Variants in KCNAB1 observed in about 807,000 individuals in gnomAD.
The protein encoded by KCNAB1 is voltage-gated potassium channel subunit beta-1.
KCNAB1 carries 35 observed loss-of-function variants against 64.6 expected under a neutral mutation model. The ratio of observed to expected loss-of-function variants is 0.54; its 90% CI spans 0.41 to 0.72. KCNAB1 has a LOEUF of 0.72. Among genes scored for constraint, KCNAB1 ranks in the 30% least tolerant of loss-of-function variants. KCNAB1 has a pLI of 0.00. For missense variants in KCNAB1, 401 were observed against 512.9 expected, an observed-to-expected ratio of 0.78 and a Z score of 2.11; for synonymous variants, 177 against 183.8, an observed-to-expected ratio of 0.96 and a Z score of 0.30.
chr3:156,344,298 A>T (rs1179955247), intron 1 of KCNAB1, among the ~76,000 whole-genome samples: 1 of 152,198 alleles, frequency 6.6e-6, no homozygotes, highest in East Asian at 1.9e-4. Flanking sequence ...TTGCCTTGCG[A>T]CAAAGAACTG....
At chr3:156,511,300 T>G (rs1396899399) in intron 8 of KCNAB1, among the ~76,000 whole-genome samples, 1 of 152,120 alleles carries the variant, frequency 6.6e-6, no homozygotes, top group Non-Finnish European at 1.5e-5. Flanking sequence ...AGACGGGGTT[T>G]CACCGTGTTA....
intron 1 of KCNAB1, among the ~76,000 whole-genome samples, chr3:156,317,055 C>A (rs1041547657): frequency 6.6e-6 from 1 of 152,088 alleles, no homozygotes; most frequent in African/African-American, 2.4e-5. Context: ...TAGAATGATT[C>A]TTCTTATTAT....
At chr3:156,439,224 A>ATTTTTT (rs56259743) in intron 2 of KCNAB1, among the ~76,000 whole-genome samples, 26 of 115,082 alleles carry the variant, frequency 2.3e-4, no homozygotes, top group Non-Finnish European at 3.3e-4. Context: ...CATCATTGTG[A>ATTTTTT]TTTTTTTTTT....
intron 1 of KCNAB1, among the ~76,000 whole-genome samples, chr3:156,288,389 A>G (rs766427769): frequency 1.3e-4 from 20 of 152,200 alleles, no homozygotes; most frequent in Admixed American, 2.6e-4. Flanking sequence ...ATCTATATCT[A>G]TGTTTGTGGG....
chr3:156,329,062 T>G (rs1263780685), intron 1 of KCNAB1, among the ~76,000 whole-genome samples: 1 of 152,194 alleles, frequency 6.6e-6, no homozygotes, highest in African/African-American at 2.4e-5. Context: ...AACTTCCTTT[T>G]GCTGCACTTA....
At chr3:156,169,439 G>A (rs115390544) in intron 1 of KCNAB1, among the ~76,000 whole-genome samples, 2,618 of 152,282 alleles carry the variant, frequency 0.017, 47 homozygotes, top group South Asian at 0.032. Context: ...AATTTAGTCA[G>A]GAATGACTGA....
chr3:156,181,451 C>A (rs1444855073), intron 1 of KCNAB1, among the ~76,000 whole-genome samples: 1 of 152,168 alleles, frequency 6.6e-6, no homozygotes, highest in Admixed American at 6.5e-5. Flanking sequence ...ATTTGAAATT[C>A]TCTAGCAGTG....
intron 1 of KCNAB1, among the ~76,000 whole-genome samples, chr3:156,275,808 T>C (rs1259300915): frequency 6.6e-6 from 1 of 152,220 alleles, no homozygotes; most frequent in Non-Finnish European, 1.5e-5. Flanking sequence ...CTATTTCTAC[T>C]GTATCTGTAG....
intron 1 of KCNAB1, among the ~76,000 whole-genome samples, chr3:156,199,555 T>C (rs1304285605): frequency 6.6e-6 from 1 of 152,262 alleles, no homozygotes; most frequent in Non-Finnish European, 1.5e-5. Flanking sequence ...TCACATTTTA[T>C]TTCATTAAGT....
At chr3:156,428,168 C>G (rs1347231436) in intron 2 of KCNAB1, among the ~76,000 whole-genome samples, 1 of 152,156 alleles carries the variant, frequency 6.6e-6, no homozygotes, top group South Asian at 2.1e-4. Context: ...AACATTTGAA[C>G]TTACAGACTG....
At chr3:156,189,110 T>C (rs1243620071) in intron 1 of KCNAB1, among the ~76,000 whole-genome samples, 2 of 152,238 alleles carry the variant, frequency 1.3e-5, no homozygotes. Context: ...TGTTGAATGG[T>C]CTTCTTGTCC....
chr3:156,226,501 A>G (rs1395744289), intron 1 of KCNAB1, among the ~76,000 whole-genome samples: 1 of 152,188 alleles, frequency 6.6e-6, no homozygotes, highest in Non-Finnish European at 1.5e-5. Flanking sequence ...ATTGGCTTAG[A>G]CAAGACGTCA....
At chr3:156,266,451 A>G (rs867473510) in intron 1 of KCNAB1, among the ~76,000 whole-genome samples, 12 of 152,196 alleles carry the variant, frequency 7.9e-5, no homozygotes, top group South Asian at 2.1e-4. Flanking sequence ...TTCAATAGGA[A>G]TTCAAAAAGC....
chr3:156,247,238 G>T (rs1180391404), intron 1 of KCNAB1, among the ~76,000 whole-genome samples: 2 of 152,176 alleles, frequency 1.3e-5, no homozygotes, highest in Admixed American at 1.3e-4. Flanking sequence ...TATGGTGGTT[G>T]CAGGGGTCTG....
chr3:156,176,982 G>A, intron 1 of KCNAB1: 1 of 650,266 alleles, frequency 1.5e-6, no homozygotes. Flanking sequence ...TTCCTCCGTG[G>A]AGCTCTCCCA....
intron 1 of KCNAB1, among the ~76,000 whole-genome samples, chr3:156,122,406 A>C (rs1713403947): frequency 6.6e-6 from 1 of 152,252 alleles, no homozygotes; most frequent in South Asian, 2.1e-4. Flanking sequence ...AGTCTAATAC[A>C]AGACCACAGA....
At chr3:156,186,521 A>G (rs766878583) in intron 1 of KCNAB1, among the ~76,000 whole-genome samples, 41 of 152,052 alleles carry the variant, frequency 2.7e-4, no homozygotes, top group Non-Finnish European at 2.2e-4. Context: ...TCAGAATACA[A>G]GCCTGTGCAA....
chr3:156,291,589 G>T, intron 1 of KCNAB1: 2 of 1,245,878 alleles, frequency 1.6e-6, no homozygotes, highest in Non-Finnish European at 2.0e-6. Flanking sequence ...CCACTGCATG[G>T]ATTTGGCTGT....
chr3:156,398,951 C>T (rs1207393618), intron 1 of KCNAB1, among the ~76,000 whole-genome samples: 1 of 152,088 alleles, frequency 6.6e-6, no homozygotes, highest in East Asian at 1.9e-4. Flanking sequence ...TTGTGTTCTG[C>T]CATGATTGGC....
Sources: gnomAD v4.1 joint callset for allele counts (sites outside exome capture counted in the v4.1 genomes callset) on GRCh38, gnomAD v4.1.1 for gene constraint, MANE v1.5 for transcripts, NCBI Gene and HGNC (gene_info 2026-07-23, HGNC 2026-07-21) for gene names.